LAMA1: variants seen among roughly 807,000 people sequenced by gnomAD.
LAMA1 encodes laminin subunit alpha 1, also known as laminin subunit alpha-1.
In LAMA1, 219 loss-of-function variants were observed where a neutral mutation model predicts 348.7. That is an observed-to-expected ratio of 0.63 (90% CI 0.56 to 0.70). The LOEUF (loss-of-function observed/expected upper bound fraction) is 0.70. Among genes scored for constraint, LAMA1 ranks in the 30% least tolerant of loss-of-function variants. The pLI, the probability that LAMA1 is intolerant of heterozygous loss-of-function variation, is 0.00. For synonymous variants in LAMA1, 1,487 were observed against 1,491.0 expected (o/e 1.00, Z 0.06); for missense variants, 3,744 against 3,888.0 (o/e 0.96, Z 0.99).
At chr18:6,979,708 G>T (rs548218530) in intron 42 of LAMA1, among the ~76,000 whole-genome samples, 267 of 152,178 alleles carry the variant, frequency 1.8e-3, no homozygotes, top group Middle Eastern at 3.4e-3. Flanking sequence ...GACCATCCTG[G>T]CTAACACGGT....
intron 58 of LAMA1, 44 bp downstream of exon 58, chr18:6,950,738 A>C: frequency 6.2e-7 from 1 of 1,604,944 alleles, no homozygotes; most frequent in South Asian, 1.1e-5. Flanking sequence ...TGATAGATGG[A>C]ACAGAACTCA....
intron 1 of LAMA1, among the ~76,000 whole-genome samples, chr18:7,100,523 T>C (rs1451991662): frequency 6.6e-6 from 1 of 152,234 alleles, no homozygotes; most frequent in East Asian, 1.9e-4. Flanking sequence ...TGTATGTGAA[T>C]GTTTACAGCA....
In LAMA1 at chr18:6,948,433, A is replaced by G; in HGVS notation, c.8680T>C (p.Tyr2894His). Residue 2894 changes from tyrosine (Y) to histidine (H), a missense_variant, in exon 60 of 63, where the codon TAC becomes CAC. By Grantham distance (83) the Tyr-to-His change is moderately conservative. This residue lies in a region of LAMA1 where 232 missense variants were observed against 264.4 expected (regional missense o/e 0.88). Transcript: ENST00000389658. ...RCYAVAQEGTYFDGSGYAALV... is the reference protein window; with the variant it reads ...RCYAVAQEGTHFDGSGYAALV... ...GCTGCATATCCGCTTCCGTCAAAGTATGTTCCTTCCTGGGCCACTGCGTAG... is the reference window on the plus strand; with the variant it reads ...GCTGCATATCCGCTTCCGTCAAAGTGTGTTCCTTCCTGGGCCACTGCGTAG... 1 of 1,614,192 alleles carries G rather than the reference A, an allele frequency of 6.2e-7. No individual in the cohort carries two copies.
intron 1 of LAMA1, among the ~76,000 whole-genome samples, chr18:7,090,529 A>G (rs969920573): frequency 6.6e-6 from 1 of 152,192 alleles, no homozygotes; most frequent in Admixed American, 6.5e-5. Context: ...GGACTAAACC[A>G]AAGTAATCAT....
chr18:6,958,917 TC>T (rs928213507), intron 54 of LAMA1, among the ~76,000 whole-genome samples: 2 of 152,024 alleles, frequency 1.3e-5, no homozygotes, highest in African/African-American at 2.4e-5. Context: ...ATTTTCTTTT[TC>T]TTTTTTTTTT....
In LAMA1 at chr18:7,050,734, G is replaced by T; in HGVS notation, c.548C>A (p.Thr183Asn). 6.2e-7 allele frequency: 1 copy of T among 1,614,068 alleles called. No homozygotes were observed. The highest frequency in any genetic ancestry group is 8.5e-7 in the Non-Finnish European group (1 of 1,180,020). The change falls in exon 4 of 63, where the codon ACC becomes AAC. Residue 183 changes from threonine to asparagine, a missense_variant. Coordinates refer to ENST00000389658, the MANE Select transcript of LAMA1 (RefSeq NM_005559.4). ...TGGCACCAATCTGGAATAATAGGAG[G>T]TGCAGATCACTTCATCATCAGCCCT... is the stretch of plus-strand genomic sequence containing the variant. ...TYRADDEVIC[T>N]SYYSRLVPLE...
chr18:6,946,648 G>A (rs567906488), intron 61 of LAMA1, among the ~76,000 whole-genome samples: 1 of 152,186 alleles, frequency 6.6e-6, no homozygotes, highest in African/African-American at 2.4e-5. Context: ...GGACCTGGGA[G>A]GCAGAGGTTG....
chr18:7,015,634 G>C (rs2057883900), intron 22 of LAMA1, 88 bp downstream of exon 22: 1 of 1,370,498 alleles, frequency 7.3e-7, no homozygotes, highest in Non-Finnish European at 1.0e-6. Context: ...ACAGATTAAA[G>C]TCCAGAAAAT....
Position 6,961,650 on chromosome 18 carries a change from C to T in LAMA1, c.7562G>A (p.Gly2521Asp). 2 of 1,614,162 alleles carry T rather than the reference C, an allele frequency of 1.2e-6. No individual in the cohort carries two copies. The highest frequency in any genetic ancestry group is 1.7e-6 in the Non-Finnish European group (2 of 1,180,018). Residue 2521 changes from glycine (G) to aspartate (D), a missense_variant, in exon 53 of 63, where the codon GGC becomes GAC. Around this residue, in one of 3 missense-constraint regions of LAMA1, gnomAD observed 1,983 missense variants for 1,934.3 expected, o/e 1.03. Transcript: ENST00000389658. ...CCCGCCGAGGGCAGCCAGGATGATG[C>T]CACTGCTGTTCGTGGTGGCAAATGT... ...LVTFATTNSSGIILAALGGDV... is the reference protein window; with the variant it reads ...LVTFATTNSSDIILAALGGDV...
At chr18:7,085,233 G>A (rs1448452786) in intron 1 of LAMA1, among the ~76,000 whole-genome samples, 3 of 151,942 alleles carry the variant, frequency 2.0e-5, no homozygotes, top group Non-Finnish European at 1.5e-5. Flanking sequence ...GTGGCTTCTG[G>A]TGTTGGGAGT....
At chr18:7,110,824 G>A (rs924017821) in intron 1 of LAMA1, among the ~76,000 whole-genome samples, 1 of 151,890 alleles carries the variant, frequency 6.6e-6, no homozygotes, top group Non-Finnish European at 1.5e-5. Flanking sequence ...CCATGTCAAA[G>A]GAAAAAACAA....
rs1467150610 is a variant in LAMA1 at position 7,038,922 on chromosome 18, C to T, written c.1451G>A (p.Arg484His). 3 of 1,613,690 alleles carry T rather than the reference C, an allele frequency of 1.9e-6. No individual in the cohort carries two copies. Among genetic ancestry groups the T allele is most frequent in the Middle Eastern group, 3.3e-4 (2 of 6,062 alleles). The change falls in exon 11 of 63, where the codon CGC (arginine) becomes CAC (histidine). Residue 484 changes from arginine (R) to histidine (H), a missense_variant. Arg to His is a conservative substitution (Grantham distance 29, BLOSUM62 0). Around this residue, in one of 3 missense-constraint regions of LAMA1, gnomAD observed 1,529 missense variants for 1,689.4 expected, o/e 0.91. Coordinates refer to ENST00000389658, the MANE Select transcript of LAMA1 (RefSeq NM_005559.4). Reference sequence around the variant, plus strand: ...CAAGTTATAGAATCCTGGCTTGCAGCGATCACAGGCCTTCCCCTCAACGTT... The same window carrying T: ...CAAGTTATAGAATCCTGGCTTGCAGTGATCACAGGCCTTCCCCTCAACGTT... ...KENVEGKACD[R>H]CKPGFYNLKE...
At chr18:7,094,389 T>C (rs934759386) in intron 1 of LAMA1, among the ~76,000 whole-genome samples, 1 of 139,436 alleles carries the variant, frequency 7.2e-6, no homozygotes, top group Non-Finnish European at 1.5e-5. Flanking sequence ...ATTGCGCCAC[T>C]GCACTCCAGC....
chr18:6,978,296 C>G lies in LAMA1; in HGVS notation c.6090G>C (p.Ala2030=). The change falls in exon 43 of 63, where the codon GCG becomes GCC. Residue 2030 remains alanine (A), a synonymous_variant. Transcript: ENST00000389658. ...TGTTCAGCAGCTCCTGGCTCAGCCC[C>G]GCCACGTCCCTCAGCGTGCTCACCG... ...QSAVSTLRDV[A]GLSQELLNTS... The G allele has an allele frequency of 1.2e-6, 2 of 1,614,216 alleles. No individual in the cohort carries two copies. Among genetic ancestry groups the G allele is most frequent in the Non-Finnish European group, 1.7e-6 (2 of 1,180,046 alleles).
rs58396295 is a variant in LAMA1 at position 6,951,068 on chromosome 18, T to C, written c.8208-97A>G. The stretch of plus-strand genomic sequence containing the variant: ...CCCAACAATTGTTTCAGCGTTTACA[T>C]TGAACATCTCAGGAGAGAGGGGTAT... On this transcript the variant is annotated intron_variant, in intron 57 of 62. Transcript: ENST00000389658. The C allele has an allele frequency of 6.3e-3, 6,747 of 1,063,196 alleles. 251 individuals are homozygous for C. In the African/African-American group the frequency reaches 0.082, roughly 13 times the overall value. The allele number at this position is 1,063,196 out of a possible 1,614,324, so 65.9% of individuals were successfully genotyped here. A position where few individuals can be genotyped will look rare whatever the true frequency, so the allele number is the denominator to read the frequency against.
rs372751048 is a variant in LAMA1 at position 6,948,482 on chromosome 18, C to T, written c.8631G>A (p.Val2877=). ...NSKQLDKDSP[V]SAFTVNRCYA... is the part of the protein sequence containing the mutation. ...AGCACCTGTTCACCGTGAAGGCAGA[C>T]ACCGGGCTGTCCTTGTCCAGCTGTT... is the stretch of plus-strand genomic sequence containing the variant. The change falls in exon 60 of 63, where the codon GTG becomes GTA. Residue 2877 remains valine, a synonymous_variant. Coordinates refer to ENST00000389658, the MANE Select transcript of LAMA1 (RefSeq NM_005559.4). The T allele has an allele frequency of 1.4e-4, 218 of 1,614,092 alleles. 1 individual carries two copies. Among genetic ancestry groups the T allele is most frequent in the Admixed American group, 4.5e-4 (27 of 60,006 alleles).
In LAMA1 at chr18:6,983,179, G is replaced by T. The variant is rs746641523; in HGVS notation, c.5716C>A (p.His1906Asn). Residue 1906 changes from histidine to asparagine, a missense_variant, in exon 40 of 63, where the codon CAT becomes AAT. By Grantham distance (68) the His-to-Asn change is moderately conservative (BLOSUM62 1). Around this residue, in one of 3 missense-constraint regions of LAMA1, gnomAD observed 1,983 missense variants for 1,934.3 expected, o/e 1.03. Coordinates refer to ENST00000389658, the MANE Select transcript of LAMA1 (RefSeq NM_005559.4). ...TCAATCAGGCTCTGGATGTTGTAAT[G>T]GACATAGGCTGCACTGGTGGCATTC... is the stretch of plus-strand genomic sequence containing the variant. ...SLNATSAAYV[H>N]YNIQSLIEES... is the part of the protein sequence containing the mutation. The T allele has an allele frequency of 8.7e-6, 14 of 1,613,966 alleles. No individual in the cohort carries two copies. The East Asian group carries it at 3.1e-4, about 36-fold the overall frequency.
Position 7,026,504 on chromosome 18 carries a change from G to T in LAMA1, c.2275-398C>A, listed in dbSNP as rs139012233. On this transcript the variant is annotated intron_variant, in intron 16 of 62. Coordinates refer to ENST00000389658, the MANE Select transcript of LAMA1 (RefSeq NM_005559.4). ...TTTTTAGTTGCAAAAGGAAAGAATC[G>T]TTCATATATAGTGGAAAAATTGACC... Among the ~76,000 whole-genome samples the T allele has an allele frequency of 3.4e-4, 52 of 152,228 alleles. No homozygotes were observed. In the East Asian group the frequency reaches 9.1e-3, roughly 27 times the overall value.
rs765226768 is a variant in LAMA1 at position 6,983,194 on chromosome 18, T to C, written c.5701A>G (p.Ser1901Gly). Residue 1901 changes from serine (S) to glycine (G), a missense_variant, in exon 40 of 63, where the codon AGT (serine) becomes GGT (glycine). Physicochemically the swap from Ser to Gly is moderately conservative, Grantham distance 56. Transcript: ENST00000389658. ...NIRNVSLNATSAAYVHYNIQS... is the reference protein window; with the variant it reads ...NIRNVSLNATGAAYVHYNIQS... ...ATGTTGTAATGGACATAGGCTGCAC[T>C]GGTGGCATTCAGGGACACATTTCTG... is the stretch of plus-strand genomic sequence containing the variant. 4 of 1,614,180 alleles carry C rather than the reference T, an allele frequency of 2.5e-6. No homozygotes were observed. The highest frequency in any genetic ancestry group is 3.4e-6 in the Non-Finnish European group (4 of 1,180,012).
Sources: allele counts gnomAD v4.1 joint callset (sites outside exome capture counted in the v4.1 genomes callset), GRCh38; gene constraint gnomAD v4.1.1; regional missense constraint gnomAD v4.1.1; transcripts MANE v1.5; gene names NCBI Gene and HGNC (gene_info 2026-07-23, HGNC 2026-07-21).